The following SNX19 variants were observed in gnomAD, a reference collection of about 807,000 sequenced individuals.
SNX19 encodes the protein sorting nexin-19.
SNX19 carries 60 observed loss-of-function variants against 85.2 expected under a neutral mutation model. That is an observed-to-expected ratio of 0.70 (90% CI 0.57 to 0.87). The LOEUF is 0.87. Ranked by LOEUF, SNX19 falls within the 40% of genes least tolerant of loss-of-function variation. The pLI is 0.00. For missense variants in SNX19, 1,201 were observed against 1,217.8 expected (o/e 0.99, Z 0.21); for synonymous variants, 520 against 470.0 (o/e 1.11, Z -1.38).
In SNX19 at chr11:130,880,646, G is replaced by T; in HGVS notation, c.2734C>A (p.Gln912Lys). The T allele has an allele frequency of 6.2e-7, 1 of 1,604,744 alleles. No individual in the cohort carries two copies. Among genetic ancestry groups the T allele is most frequent in the African/African-American group, 1.3e-5 (1 of 74,920 alleles). ...CCTGGGAGGACTCCCATCAGGCTCT[G>T]CAAAGCCTGTTTCTCAGCAGCCAGT... The part of the protein sequence containing the change: ...QKLAAEKQAL[Q>K]SLMGVLPDLV... Residue 912 changes from glutamine to lysine, a missense_variant, in exon 9 of 11, where the codon CAG (glutamine) becomes AAG (lysine). This residue lies in a region of SNX19 where 285 missense variants were observed against 295.3 expected (regional missense o/e 0.97). Coordinates refer to ENST00000265909, the MANE Select transcript of SNX19 (RefSeq NM_014758.3).
chr11:130,914,813 G>C lies in SNX19; in HGVS notation c.1127C>G (p.Pro376Arg). The C allele has an allele frequency of 6.8e-6, 11 of 1,614,206 alleles. No individual in the cohort carries two copies. The highest frequency in any genetic ancestry group is 9.3e-6 in the Non-Finnish European group (11 of 1,180,040). The change falls in exon 1 of 11, where the codon CCG becomes CGG. Residue 376 changes from proline to arginine, a missense_variant. Transcript: ENST00000265909. ...FLCEDSELES[P>R]LSELGKETIM... is the part of the protein sequence containing the mutation. The stretch of plus-strand genomic sequence containing the variant: ...GGTTTCTTTGCCCAGTTCAGACAGC[G>C]GAGACTCCAGCTCTGAGTCTTCACA...
intron 5 of SNX19, 57 bp downstream of exon 5, chr11:130,907,896 A>C: frequency 1.9e-6 from 3 of 1,603,022 alleles, no homozygotes; most frequent in Non-Finnish European, 2.6e-6. Context: ...TTGGCTGAGG[A>C]TTGGGGATCA....
In SNX19 at chr11:130,871,936, T is replaced by C. The variant is rs1030950015; in HGVS notation, c.*6486A>G. On this transcript the variant is annotated 3_prime_UTR_variant, in exon 11 of 11. Transcript: ENST00000265909. ...CAAACACTGACTGGTGACAAAGGGA[T>C]TGGGTTAAAAGGAGCAGATAATGTC... is the stretch of plus-strand genomic sequence containing the variant. 1.8e-4 allele frequency among the ~76,000 whole-genome samples: 28 copies of C among 152,158 alleles called. No individual in the cohort carries two copies. The highest frequency in any genetic ancestry group is 3.2e-4 in the Non-Finnish European group (22 of 68,028).
At chr11:130,897,225 C>G (rs1004103676) in intron 8 of SNX19, among the ~76,000 whole-genome samples, 1 of 152,020 alleles carries the variant, frequency 6.6e-6, no homozygotes, top group Non-Finnish European at 1.5e-5. Flanking sequence ...ACCTGCACAC[C>G]CTTTCTTTTC....
rs1944745164 is a variant in SNX19 at position 130,894,627 on chromosome 11, G to A, written c.2573+8628C>T. ...CCTGGTGCCCATAGAGAGAATTCCT[G>A]TGCCCACGCCATGCAGCAGCAGTTT... is the stretch of plus-strand genomic sequence containing the variant. On this transcript the variant is annotated intron_variant, in intron 8 of 10. Coordinates refer to ENST00000265909, the MANE Select transcript of SNX19 (RefSeq NM_014758.3). 3.0e-6 allele frequency: 3 copies of A among 985,218 alleles called. No homozygotes were observed. In the Admixed American group the frequency reaches 1.8e-4, roughly 61 times the overall value. The allele number at this position is 985,218 out of a possible 1,614,324, so 61.0% of individuals were successfully genotyped here. A position where few individuals can be genotyped will look rare whatever the true frequency, so the allele number is the denominator to read the frequency against.
rs753968725 is a variant in SNX19, at chr11:130,876,064, TAGTA to T, written c.*2354_*2357del. The T allele has an allele frequency of 6.6e-5, 10 of 152,312 alleles. No homozygotes were observed. Among genetic ancestry groups the T allele is most frequent in the African/African-American group, 2.4e-4 (10 of 41,572 alleles). The allele number at this position is 152,312 out of a possible 1,614,324, so 9.4% of individuals were successfully genotyped here. ...ATCCCTGCCTCGTCTTTTTTATAGATAGTAAGAAAAGGGAAAGTAGTCTTATTTC... is the reference window on the plus strand; with the variant it reads ...ATCCCTGCCTCGTCTTTTTTATAGATAGAAAAGGGAAAGTAGTCTTATTTC... On this transcript the variant is annotated 3_prime_UTR_variant, in exon 11 of 11. Transcript: ENST00000265909.
At position 130,911,738 on chromosome 11, in the gene SNX19, CGCT is replaced by C. The variant is rs773023316; in HGVS notation, c.1705_1707del (p.Ser569del). The C allele has an allele frequency of 4.9e-5, 79 of 1,614,082 alleles. No homozygotes were observed. In the Admixed American group the frequency reaches 1.1e-3, roughly 23 times the overall value. On this transcript the variant is annotated inframe_deletion, in exon 2 of 11. Transcript: ENST00000265909. ...GTGTGGTAGGCCAGCTGCTGCAGGC[CGCT>C]GCTGTTTTCACCGTCAAGGGCTGTC...
chr11:130,911,400 T>C, intron 2 of SNX19: 1 of 1,273,876 alleles, frequency 7.9e-7, no homozygotes, highest in Non-Finnish European at 1.0e-6. Flanking sequence ...TATTTTTTAA[T>C]CTTAAACTAG....
chr11:130,901,332 G>C (rs1945244948), intron 8 of SNX19, among the ~76,000 whole-genome samples: 1 of 152,140 alleles, frequency 6.6e-6, no homozygotes, highest in Admixed American at 6.5e-5. Context: ...TCAAAACTTT[G>C]CAAGTTAGAG....
chr11:130,900,839 G>C (rs777082264), intron 8 of SNX19, among the ~76,000 whole-genome samples: 1 of 152,128 alleles, frequency 6.6e-6, no homozygotes, highest in Admixed American at 6.6e-5. Flanking sequence ...AAGAAGAAGA[G>C]AAATGAAGGC....
intron 8 of SNX19, among the ~76,000 whole-genome samples, chr11:130,889,771 T>C (rs1944368417): frequency 6.6e-6 from 1 of 152,158 alleles, no homozygotes; most frequent in African/African-American, 2.4e-5. Context: ...TCTACTATTT[T>C]TGAGTTGTAT....
At position 130,906,053 on chromosome 11, in the gene SNX19, T is replaced by C. The variant is rs1215597060; in HGVS notation, c.2343A>G (p.Lys781=). Residue 781 remains lysine (K), a synonymous_variant, in exon 7 of 11, where the codon AAA becomes AAG. Coordinates refer to ENST00000265909, the MANE Select transcript of SNX19 (RefSeq NM_014758.3). The part of the protein sequence containing the change: ...QTKLLEMQPT[K]APEKDPEQPP... ...GTTGTTCAGGATCTTTTTCTGGGGCTTTTGTTGGCTGCATTTCCAGTAACT... is the reference window on the plus strand; with the variant it reads ...GTTGTTCAGGATCTTTTTCTGGGGCCTTTGTTGGCTGCATTTCCAGTAACT... 6.2e-7 allele frequency: 1 copy of C among 1,614,234 alleles called. No homozygotes were observed. Among genetic ancestry groups the C allele is most frequent in the Non-Finnish European group, 8.5e-7 (1 of 1,180,042 alleles).
In SNX19 at chr11:130,890,256, A is replaced by G. The variant is rs146371985; in HGVS notation, c.2574-9450T>C. Among the ~76,000 whole-genome samples the G allele has an allele frequency of 6.7e-3, 1,019 of 152,262 alleles. 7 individuals are homozygous for G. Among genetic ancestry groups the G allele is most frequent in the Middle Eastern group, 0.02 (6 of 294 alleles). ...TAAATATAGGTGATCCTACCTCCTC[A>G]ATATCTCATGAATCTATTACCCCTT... On this transcript the variant is annotated intron_variant, in intron 8 of 10. Transcript: ENST00000265909.
chr11:130,900,302 T>C (rs1187241639), intron 8 of SNX19, among the ~76,000 whole-genome samples: 1 of 152,188 alleles, frequency 6.6e-6, no homozygotes, highest in Non-Finnish European at 1.5e-5. Context: ...TGAAATCCCA[T>C]CTCACTGATA....
chr11:130,880,492 G>T, intron 9 of SNX19, 130 bp downstream of exon 9: 1 of 788,140 alleles, frequency 1.3e-6, no homozygotes, highest in Non-Finnish European at 2.0e-6. Context: ...GAAATGATGG[G>T]TCAACAGAGT....
At position 130,906,957 on chromosome 11, in the gene SNX19, A is replaced by C. The variant is rs147115729; in HGVS notation, c.2166-236T>G. Among the ~76,000 whole-genome samples the C allele has an allele frequency of 7.8e-3, 1,193 of 152,342 alleles. 17 individuals carry two copies. The highest frequency in any genetic ancestry group is 0.027 in the African/African-American group (1,137 of 41,572). On this transcript the variant is annotated intron_variant, in intron 5 of 10. Coordinates refer to ENST00000265909, the MANE Select transcript of SNX19 (RefSeq NM_014758.3). ...ATACACTAAGCTATGTCTACAGTGC[A>C]CTTGTGAAATGGTTTCTGCTAAGTA...
chr11:130,891,025 A>C (rs1944460657), intron 8 of SNX19, among the ~76,000 whole-genome samples: 1 of 152,100 alleles, frequency 6.6e-6, no homozygotes, highest in African/African-American at 2.4e-5. Context: ...CACACAGTTC[A>C]AAATAGGTTC....
chr11:130,904,588 G>A (rs1945508901), intron 7 of SNX19, among the ~76,000 whole-genome samples: 1 of 152,102 alleles, frequency 6.6e-6, no homozygotes. Flanking sequence ...CTCAGGTTTA[G>A]CATTTGCTTG....
In SNX19 at chr11:130,874,022, TTTTG is replaced by T. The variant is rs944423563; in HGVS notation, c.*4396_*4399del. ...TCTAGCCAATGAGTCATAAGAGGTTTTTTGTTTTTTTTTTTTTTATTTGGGGTCT... is the reference window on the plus strand; with the variant it reads ...TCTAGCCAATGAGTCATAAGAGGTTTTTTTTTTTTTTTTTATTTGGGGTCT... On this transcript the variant is annotated 3_prime_UTR_variant, in exon 11 of 11. Coordinates refer to ENST00000265909, the MANE Select transcript of SNX19 (RefSeq NM_014758.3). Among the ~76,000 whole-genome samples, 4 of 118,492 alleles carry T rather than the reference TTTTG, an allele frequency of 3.4e-5. No individual in the cohort carries two copies. The highest frequency in any genetic ancestry group is 3.3e-4 in the South Asian group (1 of 2,986). The allele number at this position is 118,492 out of a possible 152,430, so 77.7% of individuals were successfully genotyped here.
Sources: gnomAD v4.1 joint callset for allele counts (sites outside exome capture counted in the v4.1 genomes callset) on GRCh38, gnomAD v4.1.1 for gene constraint, gnomAD v4.1.1 regional missense constraint, MANE v1.5 for transcripts, NCBI Gene and HGNC (gene_info 2026-07-23, HGNC 2026-07-21) for gene names.